ECE1: variants seen among roughly 807,000 people sequenced by gnomAD.
ECE1 encodes the protein endothelin converting enzyme 1.
A neutral mutation model predicts 98.6 loss-of-function variants in ECE1; 35 were observed. The observed-to-expected ratio is 0.35, with a 90% CI of 0.27 to 0.47. The LOEUF is 0.47. ECE1 is among the 20% of genes least tolerant of loss of function. The probability of loss-of-function intolerance (pLI) is 1.00; values close to 1 mark genes in which losing one functional copy is unlikely to be tolerated. For missense variants in ECE1, 814 were observed against 1,025.3 expected, an observed-to-expected ratio of 0.79 and a Z score of 2.81; for synonymous variants, 394 against 407.1, an observed-to-expected ratio of 0.97 and a Z score of 0.39.
At position 21,262,207 on chromosome 1, in the gene ECE1, G is replaced by A. The variant is rs114434480; in HGVS notation, c.494-1815C>T. Among the ~76,000 whole-genome samples the A allele has an allele frequency of 6.3e-3, 958 of 152,254 alleles. 8 individuals carry two copies. Among genetic ancestry groups the A allele is most frequent in the Non-Finnish European group, 8.5e-3 (575 of 68,014 alleles). On this transcript the variant is annotated intron_variant, in intron 4 of 18. Coordinates refer to ENST00000374893, the MANE Select transcript of ECE1 (RefSeq NM_001397.3). ...GAGCCCCTTGAGAGACAGGGTCAGG[G>A]GCCTGAACGAGGGGCTATGGAGGGT...
chr1:21,251,054 C>A (rs1266692397), intron 8 of ECE1, among the ~76,000 whole-genome samples: 1 of 151,850 alleles, frequency 6.6e-6, no homozygotes, highest in Non-Finnish European at 1.5e-5. Context: ...AGGTGACTTT[C>A]CTGAGGTCAC....
chr1:21,333,955 A>T (rs1163053103), intron 1 of ECE1, among the ~76,000 whole-genome samples: 1 of 152,130 alleles, frequency 6.6e-6, no homozygotes, highest in East Asian at 1.9e-4. Context: ...TTTTCACAAC[A>T]CCACTATGAG....
chr1:21,303,730 C>T (rs1638535319), intron 1 of ECE1, among the ~76,000 whole-genome samples: 1 of 152,108 alleles, frequency 6.6e-6, no homozygotes. Context: ...CTCGCTGCAA[C>T]CTCCGACTCC....
At chr1:21,255,483 GC>G (rs2098218705) in intron 8 of ECE1, among the ~76,000 whole-genome samples, 3 of 152,226 alleles carry the variant, frequency 2.0e-5, no homozygotes, top group Admixed American at 1.3e-4. Flanking sequence ...TGTACAGTGA[GC>G]CCATCTGCGG....
At chr1:21,241,460 T>C (rs1416832996) in intron 10 of ECE1, among the ~76,000 whole-genome samples, 3 of 147,302 alleles carry the variant, frequency 2.0e-5, no homozygotes, top group African/African-American at 7.7e-5. Flanking sequence ...TCTTGCTCCG[T>C]CTATCAGGTT....
intron 1 of ECE1, among the ~76,000 whole-genome samples, chr1:21,342,515 G>T (rs948003333): frequency 1.3e-5 from 2 of 152,104 alleles, no homozygotes; most frequent in African/African-American, 4.8e-5. Context: ...CTGCCAAGGG[G>T]TTAGAGACGT....
chr1:21,258,598 G>T lies in ECE1; in HGVS notation c.762+95C>A. On this transcript the variant is annotated intron_variant, in intron 6 of 18. Coordinates refer to ENST00000374893, the MANE Select transcript of ECE1 (RefSeq NM_001397.3). This position sits in a 1 kb window ranked among gnomAD's most constrained non-coding sequence, Gnocchi z 4.2. ...AACTAGAAGACCGCCGTCCCACCCA[G>T]GGCAAGCCCCTCTCCCACCCCAGGT... 1.6e-6 allele frequency: 1 copy of T among 616,660 alleles called. No individual in the cohort carries two copies. The highest frequency in any genetic ancestry group is 2.9e-6 in the Non-Finnish European group (1 of 339,460). 38.2% of individuals were successfully genotyped at this position (616,660 alleles called of 1,614,324 possible).
intron 17 of ECE1, among the ~76,000 whole-genome samples, chr1:21,222,694 A>G (rs1038993135): frequency 6.6e-6 from 1 of 151,760 alleles, no homozygotes; most frequent in Non-Finnish European, 1.5e-5. Context: ...TACAAAAATT[A>G]GCCGAGGTGC....
intron 3 of ECE1, among the ~76,000 whole-genome samples, chr1:21,275,714 T>C (rs907308525): frequency 2.0e-5 from 3 of 152,240 alleles, no homozygotes; most frequent in Non-Finnish European, 4.4e-5. Flanking sequence ...TATTTAACTA[T>C]TTAATGGTTT....
chr1:21,274,246 T>A (rs899047138), intron 3 of ECE1, among the ~76,000 whole-genome samples: 1 of 152,198 alleles, frequency 6.6e-6, no homozygotes, highest in African/African-American at 2.4e-5. Context: ...GGTCCAGCCA[T>A]GCCAAGGCTG....
At chr1:21,305,045 G>A (rs559513273) in intron 1 of ECE1, among the ~76,000 whole-genome samples, 5 of 152,118 alleles carry the variant, frequency 3.3e-5, no homozygotes, top group Non-Finnish European at 5.9e-5. Flanking sequence ...GCAGAACTAC[G>A]ACATCCAACA....
At chr1:21,324,561 G>A (rs1043475733) in intron 1 of ECE1, among the ~76,000 whole-genome samples, 1 of 152,216 alleles carries the variant, frequency 6.6e-6, no homozygotes, top group South Asian at 2.1e-4. Flanking sequence ...GTTTGGAGAG[G>A]ACCAGGAGGG....
In ECE1 at chr1:21,219,863, G is replaced by T. The variant is rs3026907; in HGVS notation, c.*92C>A. 45,191 of 1,549,356 alleles carry T rather than the reference G, an allele frequency of 0.029. 802 individuals carry two copies. Among genetic ancestry groups the T allele is most frequent in the Non-Finnish European group, 0.033 (36,911 of 1,135,296 alleles). On this transcript the variant is annotated 3_prime_UTR_variant, in exon 19 of 19. Transcript: ENST00000374893. This position sits in a 1 kb window ranked among gnomAD's most constrained non-coding sequence, Gnocchi z 4.5. ...GTGTGAGGAAGCAGGGCCCCGGGTG[G>T]CCAAGCGGGCTGAGCAATGCCCTGG... is the stretch of plus-strand genomic sequence containing the variant.
chr1:21,269,056 A>G (rs2098237294), intron 4 of ECE1, among the ~76,000 whole-genome samples: 1 of 152,024 alleles, frequency 6.6e-6, no homozygotes, highest in African/African-American at 2.4e-5. Flanking sequence ...TGGGCTGAGA[A>G]CTCTGTGGAG....
At chr1:21,274,228 C>G (rs2098243910) in intron 3 of ECE1, among the ~76,000 whole-genome samples, 1 of 152,232 alleles carries the variant, frequency 6.6e-6, no homozygotes, top group South Asian at 2.1e-4. Context: ...TGGGCCCAGG[C>G]CTGTCTTGGT....
Position 21,338,125 on chromosome 1 carries a change from G to A in ECE1, c.3+7251C>T, listed in dbSNP as rs116099348. 2.4e-4 allele frequency among the ~76,000 whole-genome samples: 36 copies of A among 152,138 alleles called. No individual in the cohort carries two copies. The East Asian group carries it at 4.8e-3, about 20-fold the overall frequency. On this transcript the variant is annotated intron_variant, in intron 1 of 18. Transcript: ENST00000415912. ...GAGGACATTTCAGCCCTGGACCTCCGCCCAATAAGAAGGGACTCCAATGGC... is the reference window on the plus strand; with the variant it reads ...GAGGACATTTCAGCCCTGGACCTCCACCCAATAAGAAGGGACTCCAATGGC...
chr1:21,237,645 C>T (rs2098190062), intron 11 of ECE1, among the ~76,000 whole-genome samples: 2 of 152,176 alleles, frequency 1.3e-5, no homozygotes, highest in South Asian at 4.1e-4. Context: ...GAGGAATGCC[C>T]CCGTCTCCAC....
intron 7 of ECE1, 147 bp downstream of exon 7, chr1:21,257,378 C>T: frequency 2.3e-6 from 2 of 853,506 alleles, no homozygotes; most frequent in East Asian, 2.7e-5. Context: ...GGTGTCCCTC[C>T]CCTGCCAGGG....
chr1:21,273,342 T>TGTGC (rs983852021), intron 3 of ECE1, among the ~76,000 whole-genome samples: 1 of 91,034 alleles, frequency 1.1e-5, no homozygotes, highest in Non-Finnish European at 2.0e-5. Flanking sequence ...CCCGTGCGTG[T>TGTGC]GTGCGTGTGT....
Sources: allele counts gnomAD v4.1 joint callset (sites outside exome capture counted in the v4.1 genomes callset), GRCh38; gene constraint gnomAD v4.1.1; non-coding constraint Gnocchi (gnomAD v3.1); transcripts MANE v1.5; gene names NCBI Gene and HGNC (gene_info 2026-07-23, HGNC 2026-07-21).